Variants in SLC34A2 observed in about 807,000 individuals in gnomAD.
SLC34A2 encodes the protein sodium-dependent phosphate transport protein 2B.
SLC34A2 carries 41 observed loss-of-function variants against 50.8 expected under a neutral mutation model. The observed-to-expected ratio is 0.81, with a 90% CI of 0.63 to 1.05. SLC34A2 has a LOEUF of 1.05. Ranked by LOEUF, SLC34A2 falls within the 50% of genes least tolerant of loss-of-function variation. SLC34A2 has a pLI of 0.00. For synonymous variants in SLC34A2, 401 were observed against 364.2 expected, an observed-to-expected ratio of 1.10 and a Z score of -1.15; for missense variants, 879 against 876.7, an observed-to-expected ratio of 1.00 and a Z score of -0.03.
At chr4:25,664,064 A>C (rs1714352045) in intron 3 of SLC34A2, 138 bp from the exon 4 acceptor site, 2 of 840,094 alleles carry the variant, frequency 2.4e-6, no homozygotes. Context: ...CTGGCTAGAC[A>C]TAAGAACTTA....
chr4:25,659,213 G>T (rs1418709858), intron 1 of SLC34A2, among the ~76,000 whole-genome samples: 1 of 152,018 alleles, frequency 6.6e-6, no homozygotes, highest in African/African-American at 2.4e-5. Context: ...GGTAGTTGGA[G>T]GCAAGCTTCT....
rs952596229 is a variant in SLC34A2 at position 25,678,341 on chromosome 4, T to C, written c.*1592T>C. 3.4e-5 allele frequency: 5 copies of C among 147,124 alleles called. No individual in the cohort carries two copies. The highest frequency in any genetic ancestry group is 6.5e-5 in the Admixed American group (1 of 15,440). 9.1% of individuals were successfully genotyped at this position (147,124 alleles called of 1,614,324 possible). ...TATATAGTAAATGGTCTGCATGATT[T>C]GTGCTTCTAGTGCTCTCATTTGGAA... On this transcript the variant is annotated 3_prime_UTR_variant, in exon 13 of 13. Coordinates refer to ENST00000382051, the MANE Select transcript of SLC34A2 (RefSeq NM_006424.3).
rs115500754 is a variant in SLC34A2 at position 25,676,333 on chromosome 4, C to T, written c.1657C>T (p.Arg553Trp). 3.1e-6 allele frequency: 5 copies of T among 1,614,054 alleles called. No individual in the cohort carries two copies. In the African/African-American group the frequency reaches 5.3e-5, roughly 17 times the overall value. ...GTTTGGCCTCTCGCTGGCCGGCTGG[C>T]GGGTGCTGGTTGGTGTCGGGGTTCC... ...TVFGLSLAGW[R>W]VLVGVGVPVV... The change falls in exon 13 of 13, where the codon CGG (arginine) becomes TGG (tryptophan). Residue 553 changes from arginine to tryptophan, a missense_variant. Coordinates refer to ENST00000382051, the MANE Select transcript of SLC34A2 (RefSeq NM_006424.3).
In SLC34A2 at chr4:25,669,628, C is replaced by T. The variant is rs76794747; in HGVS notation, c.636-19C>T. On this transcript the variant is annotated intron_variant, in intron 6 of 12. Transcript: ENST00000382051. ...CTTGCTTAGTGACTAATCTGGCTGT[C>T]GGGGTTTCCCTCCCATAGAGCTTTT... 4.1e-4 allele frequency: 655 copies of T among 1,612,610 alleles called. No individual in the cohort carries two copies. Among genetic ancestry groups the T allele is most frequent in the Non-Finnish European group, 5.2e-4 (611 of 1,179,530 alleles).
Position 25,666,275 on chromosome 4 carries a change from A to G in SLC34A2, c.523+4A>G, listed in dbSNP as rs1714500027. The G allele has an allele frequency of 4.3e-6, 7 of 1,613,580 alleles. No individual in the cohort carries two copies. The East Asian group carries it at 1.6e-4, about 36-fold the overall frequency. On this transcript the variant is annotated splice_donor_region_variant and intron_variant, in intron 5 of 12. Coordinates refer to ENST00000382051, the MANE Select transcript of SLC34A2 (RefSeq NM_006424.3). The stretch of plus-strand genomic sequence containing the variant: ...GTCAGCATGGTGTCCTCTTCATGTG[A>G]GTCGGGGCACCCATGAGCCCACCTG...
intron 6 of SLC34A2, among the ~76,000 whole-genome samples, chr4:25,668,313 C>T (rs1216562172): frequency 6.6e-6 from 1 of 152,232 alleles, no homozygotes; most frequent in Admixed American, 6.5e-5. Flanking sequence ...TAGCTAGAAA[C>T]TTAGCCGCTG....
chr4:25,673,420 C>T (rs1042125462), intron 10 of SLC34A2, among the ~76,000 whole-genome samples, 166 bp downstream of exon 10: 1 of 152,134 alleles, frequency 6.6e-6, no homozygotes, highest in African/African-American at 2.4e-5. Flanking sequence ...TCTTGGCATC[C>T]TGGGTGGGGT....
intron 7 of SLC34A2, 146 bp downstream of exon 7, chr4:25,669,988 C>A (rs762916007): frequency 7.6e-6 from 6 of 791,668 alleles, no homozygotes; most frequent in South Asian, 7.4e-5. Context: ...TTTGGGAGGC[C>A]GAGGCAGGTG....
intron 4 of SLC34A2, chr4:25,664,747 G>A (rs1714399243): frequency 3.4e-6 from 1 of 290,364 alleles, no homozygotes; most frequent in Admixed American, 4.7e-5. Context: ...TCTCTGGGCT[G>A]GAGGAATCTG....
chr4:25,672,788 C>T (rs780626845), intron 9 of SLC34A2, among the ~76,000 whole-genome samples: 11 of 152,158 alleles, frequency 7.2e-5, no homozygotes, highest in African/African-American at 2.2e-4. Flanking sequence ...ATTAGACCAT[C>T]GACAGCATGG....
intron 1 of SLC34A2, among the ~76,000 whole-genome samples, chr4:25,659,910 G>A (rs1577488736): frequency 6.6e-6 from 1 of 152,138 alleles, no homozygotes; most frequent in African/African-American, 2.4e-5. Flanking sequence ...TCTGGATCTT[G>A]TCTGCCTTGT....
Position 25,676,143 on chromosome 4 carries a change from G to A in SLC34A2, c.1467G>A (p.Leu489=). ...AACCTCTTGTGTTGCAGATCGCCCT[G>A]TGCCACTTTTTCTTCAACATCTCCG... ...NALRSSLQIA[L]CHFFFNISGI... The change falls in exon 13 of 13, where the codon CTG becomes CTA. Residue 489 remains leucine, a synonymous_variant. Coordinates refer to ENST00000382051, the MANE Select transcript of SLC34A2 (RefSeq NM_006424.3). 6.2e-7 allele frequency: 1 copy of A among 1,614,004 alleles called. No individual in the cohort carries two copies. Among genetic ancestry groups the A allele is most frequent in the Non-Finnish European group, 8.5e-7 (1 of 1,180,032 alleles).
At chr4:25,659,198 C>A (rs866157202) in intron 1 of SLC34A2, among the ~76,000 whole-genome samples, 3 of 152,040 alleles carry the variant, frequency 2.0e-5, no homozygotes, top group Admixed American at 1.3e-4. Flanking sequence ...CTGACACCAG[C>A]TCCAGGTAGT....
At chr4:25,671,550 A>C (rs1714814861) in intron 8 of SLC34A2, 51 bp from the exon 9 acceptor site, 1 of 1,612,728 alleles carries the variant, frequency 6.2e-7, no homozygotes, top group Non-Finnish European at 8.5e-7. Flanking sequence ...ATTGCCTCCC[A>C]TTCCCCACTA....
rs993549946 is a variant in SLC34A2 at position 25,678,276 on chromosome 4, A to G, written c.*1527A>G. 6.5e-6 allele frequency: 1 copy of G among 152,976 alleles called. No homozygotes were observed. The highest frequency in any genetic ancestry group is 2.1e-4 in the South Asian group (1 of 4,854). 9.5% of individuals were successfully genotyped at this position (152,976 alleles called of 1,614,324 possible). Reference sequence around the variant, plus strand: ...ATTCCCAAACAGAGCCAAATACTCTATATCTATAGTCACAGCCCTGTACAG... The same window carrying G: ...ATTCCCAAACAGAGCCAAATACTCTGTATCTATAGTCACAGCCCTGTACAG... On this transcript the variant is annotated 3_prime_UTR_variant, in exon 13 of 13. Transcript: ENST00000382051.
In SLC34A2 at chr4:25,676,695, G is replaced by A. The variant is rs1715151068; in HGVS notation, c.2019G>A (p.Glu673=). The A allele has an allele frequency of 1.2e-6, 2 of 1,614,200 alleles. No homozygotes were observed. The highest frequency in any genetic ancestry group is 1.3e-5 in the African/African-American group (1 of 75,054). ...ETFDNITISR[E]AQGEVPASDS... The stretch of plus-strand genomic sequence containing the variant: ...TTGATAACATAACCATTAGCAGAGA[G>A]GCTCAGGGTGAGGTCCCTGCCTCGG... Residue 673 remains glutamate (E), a synonymous_variant, in exon 13 of 13, where the codon GAG becomes GAA. Coordinates refer to ENST00000382051, the MANE Select transcript of SLC34A2 (RefSeq NM_006424.3).
intron 8 of SLC34A2, 61 bp from the exon 9 acceptor site, chr4:25,671,540 A>C: frequency 7.5e-6 from 12 of 1,594,446 alleles, no homozygotes; most frequent in Admixed American, 1.7e-5. Context: ...CACCCCCGCC[A>C]TTGCCTCCCA....
At position 25,662,401 on chromosome 4, in the gene SLC34A2, C is replaced by G. The variant is rs1425231088; in HGVS notation, c.-3-97C>G. 1.4e-5 allele frequency: 15 copies of G among 1,097,384 alleles called. No individual in the cohort carries two copies. In the South Asian group the frequency reaches 1.7e-4, roughly 12 times the overall value. 68.0% of individuals were successfully genotyped at this position (1,097,384 alleles called of 1,614,324 possible). On this transcript the variant is annotated intron_variant, in intron 1 of 12. Transcript: ENST00000382051. Reference sequence around the variant, plus strand: ...TGCCGCCTCCGGCCGAAACCCCCACCCAGTTGATGCTTTGCAACCAATGGT... The same window carrying G: ...TGCCGCCTCCGGCCGAAACCCCCACGCAGTTGATGCTTTGCAACCAATGGT...
At chr4:25,658,492 G>A (rs1300798730) in intron 1 of SLC34A2, among the ~76,000 whole-genome samples, 3 of 152,328 alleles carry the variant, frequency 2.0e-5, no homozygotes, top group African/African-American at 4.8e-5. Context: ...GAATGTAGGG[G>A]TTGGGTGACT....
Sources: allele counts gnomAD v4.1 joint callset (sites outside exome capture counted in the v4.1 genomes callset), GRCh38; gene constraint gnomAD v4.1.1; transcripts MANE v1.5; gene names NCBI Gene and HGNC (gene_info 2026-07-23, HGNC 2026-07-21).